Variants in IFT88 observed in about 807,000 individuals in gnomAD.
IFT88 encodes intraflagellar transport 88.
In IFT88, 74 loss-of-function variants were observed where a neutral mutation model predicts 119.5. The observed-to-expected ratio is 0.62, with a 90% CI of 0.51 to 0.75. The LOEUF (loss-of-function observed/expected upper bound fraction) is 0.75, where lower values mean the gene tolerates loss of function less well. IFT88 is among the 30% of genes least tolerant of loss of function. The probability of loss-of-function intolerance (pLI) is 0.00; values close to 1 mark genes in which losing one functional copy is unlikely to be tolerated. For missense variants in IFT88, 961 were observed against 977.7 expected, an observed-to-expected ratio of 0.98 and a Z score of 0.23; for synonymous variants, 279 against 316.7, an observed-to-expected ratio of 0.88 and a Z score of 1.26.
intron 20 of IFT88, among the ~76,000 whole-genome samples, chr13:20,647,336 C>T (rs2050905026): frequency 1.3e-5 from 2 of 152,078 alleles, no homozygotes; most frequent in Admixed American, 6.5e-5. Context: ...TCTGTAAGTT[C>T]TACCTCTACA....
intron 14 of IFT88, among the ~76,000 whole-genome samples, 181 bp from the exon 15 acceptor site, chr13:20,625,569 A>T (rs1167290212): frequency 6.6e-6 from 1 of 152,190 alleles, no homozygotes; most frequent in Non-Finnish European, 1.5e-5. Context: ...TGGATAAGAA[A>T]AGTAATTTAG....
At chr13:20,647,877 A>T (rs2050981471) in intron 20 of IFT88, among the ~76,000 whole-genome samples, 3 of 152,196 alleles carry the variant, frequency 2.0e-5, no homozygotes. Flanking sequence ...GAAAAACACT[A>T]AAAGATCCAC....
chr13:20,647,271 C>G (rs1299075483), intron 20 of IFT88, among the ~76,000 whole-genome samples: 1 of 152,006 alleles, frequency 6.6e-6, no homozygotes, highest in Non-Finnish European at 1.5e-5. Flanking sequence ...TTTTCTATAC[C>G]ATATATCTTA....
chr13:20,638,713 C>G (rs1444175008), intron 17 of IFT88, among the ~76,000 whole-genome samples, 195 bp downstream of exon 17: 1 of 152,144 alleles, frequency 6.6e-6, no homozygotes, highest in Non-Finnish European at 1.5e-5. Flanking sequence ...TATGCACATG[C>G]AAAATTTGGA....
rs182864248 is a variant in IFT88 at position 20,676,316 on chromosome 13, T to C, written c.2242+5277T>C. On this transcript the variant is annotated intron_variant, in intron 24 of 25. Transcript: ENST00000351808. Reference sequence around the variant, plus strand: ...AGTTTCCTCATCAGTAAAATGAGACTGAAAACAGTACCTTCCTGATAGGGT... The same window carrying C: ...AGTTTCCTCATCAGTAAAATGAGACCGAAAACAGTACCTTCCTGATAGGGT... Among the ~76,000 whole-genome samples the C allele has an allele frequency of 2.1e-3, 323 of 152,306 alleles. 1 individual carries two copies. The highest frequency in any genetic ancestry group is 7.0e-3 in the African/African-American group (290 of 41,544).
chr13:20,614,703 A>T (rs905425983), intron 13 of IFT88, among the ~76,000 whole-genome samples: 9 of 152,190 alleles, frequency 5.9e-5, no homozygotes, highest in Non-Finnish European at 1.3e-4. Context: ...TAAAGGGTAC[A>T]TGGAATCTCT....
rs78209401 is a variant in IFT88 at position 20,644,497 on chromosome 13, C to A, written c.1834-346C>A. ...AGGCTGGGTGACAGAGCGAGACTGT[C>A]TTAAAATAATAATAATTAATAATAT... On this transcript the variant is annotated intron_variant, in intron 19 of 25. Coordinates refer to ENST00000351808, the MANE Select transcript of IFT88 (RefSeq NM_006531.5). Among the ~76,000 whole-genome samples, 196 of 151,934 alleles carry A rather than the reference C, an allele frequency of 1.3e-3. 2 individuals carry two copies. The highest frequency in any genetic ancestry group is 4.4e-3 in the African/African-American group (184 of 41,456).
intron 24 of IFT88, among the ~76,000 whole-genome samples, chr13:20,682,789 T>G (rs551716411): frequency 6.6e-6 from 1 of 152,332 alleles, no homozygotes; most frequent in South Asian, 2.1e-4. Context: ...TTGTCCTATA[T>G]AAGTGACAAA....
rs147121316 is a variant in IFT88, at chr13:20,637,000, G to A, written c.1387-1332G>A. ...CAGCACAGATGCATGCTAAAACATG[G>A]ACGAACCTTAAAAATATTATGCTAA... is the stretch of plus-strand genomic sequence containing the variant. On this transcript the variant is annotated intron_variant, in intron 16 of 25. Coordinates refer to ENST00000351808, the MANE Select transcript of IFT88 (RefSeq NM_006531.5). Among the ~76,000 whole-genome samples the A allele has an allele frequency of 9.2e-4, 140 of 152,324 alleles. 1 individual carries two copies. The highest frequency in any genetic ancestry group is 6.8e-3 in the Middle Eastern group (2 of 294).
intron 8 of IFT88, 80 bp from the exon 9 acceptor site, chr13:20,596,935 A>C: frequency 1.4e-6 from 1 of 721,384 alleles, no homozygotes; most frequent in Non-Finnish European, 2.3e-6. Context: ...AATTCATCCA[A>C]CCTTCATGTA....
chr13:20,632,766 C>T (rs140285100), intron 16 of IFT88, among the ~76,000 whole-genome samples: 2 of 152,290 alleles, frequency 1.3e-5, no homozygotes, highest in African/African-American at 4.8e-5. Flanking sequence ...TCAGCTTCAG[C>T]TTTGTGTTGT....
chr13:20,621,796 CT>C (rs1397395343), intron 14 of IFT88, among the ~76,000 whole-genome samples: 1 of 152,028 alleles, frequency 6.6e-6, no homozygotes, highest in Non-Finnish European at 1.5e-5. Flanking sequence ...TGTTTTAATT[CT>C]GGGGGTTTTG....
At chr13:20,584,851 A>C (rs973591760) in intron 3 of IFT88, among the ~76,000 whole-genome samples, 1 of 152,152 alleles carries the variant, frequency 6.6e-6, no homozygotes, top group African/African-American at 2.4e-5. Flanking sequence ...CCCACCAGGG[A>C]CATTGAGCAA....
chr13:20,586,102 G>A (rs1366944895), intron 3 of IFT88, among the ~76,000 whole-genome samples: 1 of 152,210 alleles, frequency 6.6e-6, no homozygotes, highest in Non-Finnish European at 1.5e-5. Context: ...AAGATCTTTA[G>A]AAATGACTTT....
rs533487415 is a variant in IFT88 at position 20,580,453 on chromosome 13, G to A, written c.91-2504G>A. ...AATAGCTTGAACCCAGCAGGTGGAG[G>A]TGGCAGTGAGCCAAGATCACGCCAT... On this transcript the variant is annotated intron_variant, in intron 2 of 25. Transcript: ENST00000351808. 5.9e-5 allele frequency among the ~76,000 whole-genome samples: 9 copies of A among 152,150 alleles called. No individual in the cohort carries two copies. In the East Asian group the frequency reaches 1.7e-3, roughly 29 times the overall value.
At chr13:20,634,545 G>A (rs1355641552) in intron 16 of IFT88, among the ~76,000 whole-genome samples, 1 of 151,924 alleles carries the variant, frequency 6.6e-6, no homozygotes, top group Non-Finnish European at 1.5e-5. Context: ...ACTAAACATG[G>A]TGAAACCCCG....
chr13:20,605,471 T>A (rs926952070), intron 13 of IFT88, among the ~76,000 whole-genome samples: 3 of 152,218 alleles, frequency 2.0e-5, no homozygotes, highest in Non-Finnish European at 2.9e-5. Context: ...TATGTTTTTT[T>A]ATCCTGCCTC....
Position 20,597,771 on chromosome 13 carries a change from T to TATATATATATATATATATATA in IFT88, c.594+652_594+653insATATATATATATATATATATA, listed in dbSNP as rs377601043. On this transcript the variant is annotated intron_variant, in intron 9 of 25. Coordinates refer to ENST00000351808, the MANE Select transcript of IFT88 (RefSeq NM_006531.5). Reference sequence around the variant, plus strand: ...AAAAAAAAAATATATATATATATATTTTTTTTTTGATAACTTGGTAAGTAC... The same window carrying TATATATATATATATATATATA: ...AAAAAAAAAATATATATATATATATTATATATATATATATATATATATTTTTTTTGATAACTTGGTAAGTAC... Among the ~76,000 whole-genome samples the TATATATATATATATATATATA allele has an allele frequency of 1.9e-4, 27 of 142,026 alleles. No individual in the cohort carries two copies. In the South Asian group the frequency reaches 5.7e-3, roughly 30 times the overall value. The allele number at this position is 142,026 out of a possible 152,430, so 93.2% of individuals were successfully genotyped here. A position where few individuals can be genotyped will look rare whatever the true frequency, so the allele number is the denominator to read the frequency against.
At chr13:20,632,331 A>C (rs1317044616) in intron 16 of IFT88, among the ~76,000 whole-genome samples, 3 of 152,112 alleles carry the variant, frequency 2.0e-5, no homozygotes. Context: ...AGCCTATAAG[A>C]GCTTTCCTTA....
Sources: allele counts gnomAD v4.1 joint callset (sites outside exome capture counted in the v4.1 genomes callset), GRCh38; gene constraint gnomAD v4.1.1; transcripts MANE v1.5; gene names NCBI Gene and HGNC (gene_info 2026-07-23, HGNC 2026-07-21).